The following XKR6 variants were observed in gnomAD, a reference collection of about 807,000 sequenced individuals.
XKR6 encodes XK-related protein 6.
XKR6 carries 22 observed loss-of-function variants against 56.7 expected under a neutral mutation model. The ratio of observed to expected loss-of-function variants is 0.39; its 90% CI spans 0.28 to 0.55. The LOEUF is 0.55. Among genes scored for constraint, XKR6 ranks in the 20% least tolerant of loss-of-function variants. The pLI, the probability that XKR6 is intolerant of heterozygous loss-of-function variation, is 0.66. For missense variants in XKR6, 852 were observed against 889.0 expected (o/e 0.96, Z 0.53); for synonymous variants, 524 against 387.8 (o/e 1.35, Z -4.13).
chr8:10,933,227 C>G (rs2129120888), intron 1 of XKR6, among the ~76,000 whole-genome samples: 1 of 109,566 alleles, frequency 9.1e-6, no homozygotes, highest in Non-Finnish European at 1.9e-5. Context: ...GTCCCTCGCC[C>G]ACTTTTTGAT....
chr8:10,953,021 T>C (rs1170689804), intron 1 of XKR6, among the ~76,000 whole-genome samples: 1 of 152,160 alleles, frequency 6.6e-6, no homozygotes, highest in African/African-American at 2.4e-5. Context: ...GATCTGTCAC[T>C]GTCTCCATCA....
At chr8:11,183,064 G>GA (rs1803080606) in intron 1 of XKR6, among the ~76,000 whole-genome samples, 1 of 152,106 alleles carries the variant, frequency 6.6e-6, no homozygotes, top group Non-Finnish European at 1.5e-5. Flanking sequence ...TTTTGAGGCT[G>GA]AAACATTCCT....
At chr8:10,919,699 A>C (rs1399148144) in intron 2 of XKR6, among the ~76,000 whole-genome samples, 1 of 152,224 alleles carries the variant, frequency 6.6e-6, no homozygotes, top group Non-Finnish European at 1.5e-5. Flanking sequence ...TGGAATCTGC[A>C]TGCAGCCCTG....
intron 1 of XKR6, among the ~76,000 whole-genome samples, chr8:10,959,907 G>T (rs539044808): frequency 6.6e-6 from 1 of 152,188 alleles, no homozygotes; most frequent in Non-Finnish European, 1.5e-5. Flanking sequence ...TCTGTGACCA[G>T]GGCTGGAACT....
intron 1 of XKR6, among the ~76,000 whole-genome samples, chr8:11,025,662 C>A (rs189537157): frequency 1.3e-5 from 2 of 152,358 alleles, no homozygotes; most frequent in Admixed American, 1.3e-4. Flanking sequence ...TTTGTGAATT[C>A]ATGAGTTACG....
chr8:11,190,150 T>C (rs1585037185), intron 1 of XKR6, among the ~76,000 whole-genome samples: 1 of 110,790 alleles, frequency 9.0e-6, no homozygotes, highest in Non-Finnish European at 1.8e-5. Context: ...AGAGTGAAAC[T>C]GTCCCAAAAA....
intron 1 of XKR6, among the ~76,000 whole-genome samples, chr8:11,192,376 C>A (rs1585040157): frequency 6.6e-6 from 1 of 150,972 alleles, no homozygotes; most frequent in South Asian, 2.1e-4. Context: ...GTCTCGATCT[C>A]CTGACCTCGT....
chr8:11,184,388 T>TACACACACACACAC (rs6150466), intron 1 of XKR6, among the ~76,000 whole-genome samples: 2 of 146,156 alleles, frequency 1.4e-5, no homozygotes, highest in African/African-American at 5.0e-5. Flanking sequence ...TATACACACA[T>TACACACACACACAC]ACACACACAC....
At chr8:11,198,471 A>G (rs996644570) in intron 1 of XKR6, among the ~76,000 whole-genome samples, 1 of 152,134 alleles carries the variant, frequency 6.6e-6, no homozygotes, top group African/African-American at 2.4e-5. Flanking sequence ...ACTAGACAGT[A>G]AAGTCACAGG....
intron 1 of XKR6, among the ~76,000 whole-genome samples, chr8:10,985,050 C>A (rs896102507): frequency 3.3e-5 from 5 of 151,990 alleles, no homozygotes; most frequent in African/African-American, 1.2e-4. Flanking sequence ...AGCAATCCTC[C>A]CACTTCAGCC....
chr8:11,114,994 G>A (rs1364019674), intron 1 of XKR6, among the ~76,000 whole-genome samples: 1 of 152,170 alleles, frequency 6.6e-6, no homozygotes, highest in Admixed American at 6.5e-5. Context: ...GACAGAACGA[G>A]TTCTAAACCT....
At chr8:10,962,460 T>C (rs1217456377) in intron 1 of XKR6, among the ~76,000 whole-genome samples, 1 of 152,128 alleles carries the variant, frequency 6.6e-6, no homozygotes, top group Admixed American at 6.5e-5. Context: ...GGCTGCAGCC[T>C]AGGGAGGATT....
At chr8:11,157,263 T>C (rs945242426) in intron 1 of XKR6, among the ~76,000 whole-genome samples, 1 of 152,100 alleles carries the variant, frequency 6.6e-6, no homozygotes, top group African/African-American at 2.4e-5. Flanking sequence ...AGGCTGAACC[T>C]TGGAACTGAA....
At chr8:11,070,241 G>C (rs904908780) in intron 1 of XKR6, among the ~76,000 whole-genome samples, 7 of 152,150 alleles carry the variant, frequency 4.6e-5, no homozygotes, top group Admixed American at 1.3e-4. Context: ...CTTGGTTTAT[G>C]TTTTTGTAGA....
At chr8:11,150,852 CA>C (rs546547767) in intron 1 of XKR6, among the ~76,000 whole-genome samples, 303 of 90,262 alleles carry the variant, frequency 3.4e-3, no homozygotes, top group African/African-American at 0.011. Flanking sequence ...GACTCCATCT[CA>C]AAAAAAAAAA....
chr8:10,956,438 C>A (rs529104549), intron 1 of XKR6, among the ~76,000 whole-genome samples: 91 of 152,300 alleles, frequency 6.0e-4, no homozygotes, highest in Non-Finnish European at 7.5e-4. Flanking sequence ...ACTGCACCTA[C>A]CCCTTAGAGA....
At chr8:10,969,595 A>C (rs1802339466) in intron 1 of XKR6, among the ~76,000 whole-genome samples, 1 of 152,228 alleles carries the variant, frequency 6.6e-6, no homozygotes, top group South Asian at 2.1e-4. Context: ...AGGAAGACCT[A>C]AAACAGAATC....
chr8:10,897,817 T>G lies in XKR6; in HGVS notation c.*135A>C. The G allele has an allele frequency of 9.2e-7, 1 of 1,082,844 alleles. No individual in the cohort carries two copies. 67.1% of individuals were successfully genotyped at this position (1,082,844 alleles called of 1,614,324 possible). A position where few individuals can be genotyped will look rare whatever the true frequency, so the allele number is the denominator to read the frequency against. ...ATTAATTCTTTTTTTTTTGTAGTGG[T>G]GGTGTTGGTGTGGCGGTGTTGGTGG... is the stretch of plus-strand genomic sequence containing the variant. On this transcript the variant is annotated 3_prime_UTR_variant, in exon 3 of 3. Coordinates refer to ENST00000416569, the MANE Select transcript of XKR6 (RefSeq NM_173683.4).
chr8:11,060,211 A>G (rs7815958), intron 1 of XKR6, among the ~76,000 whole-genome samples: 59,842 of 151,978 alleles, frequency 0.39, 15,077 homozygotes, highest in African/African-American at 0.73. Flanking sequence ...AGCAGGTAAA[A>G]GGAAGTGACA....
Sources: gnomAD v4.1 joint callset for allele counts (sites outside exome capture counted in the v4.1 genomes callset) on GRCh38, gnomAD v4.1.1 for gene constraint, MANE v1.5 for transcripts, NCBI Gene and HGNC (gene_info 2026-07-23, HGNC 2026-07-21) for gene names.